The following SS18L1 variants were observed in gnomAD, a reference collection of about 807,000 sequenced individuals.
SS18L1 encodes calcium-responsive transactivator.
In SS18L1, 32 loss-of-function variants were observed where a neutral mutation model predicts 70.3. That is an observed-to-expected ratio of 0.46 (90% CI 0.34 to 0.61). SS18L1 has a LOEUF of 0.61. Among genes scored for constraint, SS18L1 ranks in the 20% least tolerant of loss-of-function variants. The pLI is 0.01. For missense variants in SS18L1, 430 were observed against 542.1 expected, an observed-to-expected ratio of 0.79 and a Z score of 2.05; for synonymous variants, 237 against 229.7, an observed-to-expected ratio of 1.03 and a Z score of -0.29.
chr20:62,174,656 G>C lies in SS18L1; in HGVS notation c.1164+12G>C. 1 of 1,613,398 alleles carries C rather than the reference G, an allele frequency of 6.2e-7. No individual in the cohort carries two copies. Among genetic ancestry groups the C allele is most frequent in the Non-Finnish European group, 8.5e-7 (1 of 1,180,020 alleles). On this transcript the variant is annotated intron_variant, in intron 10 of 10. Coordinates refer to ENST00000331758, the MANE Select transcript of SS18L1 (RefSeq NM_198935.3). This position sits in a 1 kb window ranked among gnomAD's most constrained non-coding sequence, Gnocchi z 4.1. ...ACGGCTATGAACAGGCAAGCTTTCT[G>C]GATGTTTCCAGATGTGCCCATCCGC... is the stretch of plus-strand genomic sequence containing the variant.
chr20:62,176,770 C>T (rs2057626681), intron 10 of SS18L1, among the ~76,000 whole-genome samples: 1 of 151,520 alleles, frequency 6.6e-6, no homozygotes, highest in Non-Finnish European at 1.5e-5. Context: ...GCACCCCAGC[C>T]TGGGCGACAG....
chr20:62,159,577 A>G lies in SS18L1; in HGVS notation c.147-300A>G, dbSNP rs1234039926. Among the ~76,000 whole-genome samples, 2 of 151,602 alleles carry G rather than the reference A, an allele frequency of 1.3e-5. No homozygotes were observed. Among genetic ancestry groups the G allele is most frequent in the African/African-American group, 2.4e-5 (1 of 41,268 alleles). On this transcript the variant is annotated intron_variant, in intron 2 of 10. Coordinates refer to ENST00000331758, the MANE Select transcript of SS18L1 (RefSeq NM_198935.3). This position sits in a 1 kb window ranked among gnomAD's most constrained non-coding sequence, Gnocchi z 4.4. ...CTCCTCGTGGCCTCCCCCCATCTCT[A>G]TCCTCTGAACAGACCAATGCCAGCT...
chr20:62,169,113 G>A (rs547706026), intron 8 of SS18L1, among the ~76,000 whole-genome samples: 28 of 152,244 alleles, frequency 1.8e-4, no homozygotes, highest in Non-Finnish European at 3.4e-4. Context: ...GTCACAGTGA[G>A]GTTTGCAGTG....
At position 62,165,411 on chromosome 20, in the gene SS18L1, G is replaced by A. The variant is rs754277065; in HGVS notation, c.824-11G>A. On this transcript the variant is annotated splice_polypyrimidine_tract_variant and intron_variant, in intron 7 of 10. Transcript: ENST00000331758. Reference sequence around the variant, plus strand: ...GCCTCCGCTGACTGTCGCCGTCTCCGTTTCGCACAGGCCATGGCGATTACG... The same window carrying A: ...GCCTCCGCTGACTGTCGCCGTCTCCATTTCGCACAGGCCATGGCGATTACG... 1.2e-5 allele frequency: 19 copies of A among 1,609,334 alleles called. No homozygotes were observed. Among genetic ancestry groups the A allele is most frequent in the African/African-American group, 8.0e-5 (6 of 74,824 alleles).
At position 62,143,865 on chromosome 20, in the gene SS18L1, G is replaced by A. The variant is rs773820883; in HGVS notation, c.45G>A (p.Glu15=). ...CTGCCCGGCCAAGAGGCAAAGGGGAGGTTACGCAGCAAACCATCCAGAAGG... is the reference window on the plus strand; with the variant it reads ...CTGCCCGGCCAAGAGGCAAAGGGGAAGTTACGCAGCAAACCATCCAGAAGG... ...FASARPRGKG[E]VTQQTIQKML... Residue 15 remains glutamate (E), a synonymous_variant, in exon 1 of 11, where the codon GAG becomes GAA. Coordinates refer to ENST00000331758, the MANE Select transcript of SS18L1 (RefSeq NM_198935.3). 46 of 1,297,890 alleles carry A rather than the reference G, an allele frequency of 3.5e-5. No homozygotes were observed. The highest frequency in any genetic ancestry group is 4.6e-5 in the Non-Finnish European group (46 of 991,224). The allele number at this position is 1,297,890 out of a possible 1,614,324, so 80.4% of individuals were successfully genotyped here.
intron 10 of SS18L1, 84 bp from the exon 11 acceptor site, chr20:62,179,098 A>AC: frequency 6.7e-7 from 1 of 1,489,428 alleles, no homozygotes; most frequent in South Asian, 1.1e-5. Context: ...TGTCCCTCCT[A>AC]CCCCCTGTCC....
intron 1 of SS18L1, among the ~76,000 whole-genome samples, chr20:62,154,689 C>T (rs183208676): frequency 5.6e-4 from 85 of 152,302 alleles, no homozygotes; most frequent in African/African-American, 1.9e-3. Context: ...TCTCTCCTGT[C>T]ATGTTTAGGA....
chr20:62,173,699 C>T (rs754898244), intron 9 of SS18L1, among the ~76,000 whole-genome samples: 30 of 151,546 alleles, frequency 2.0e-4, no homozygotes, highest in Non-Finnish European at 3.1e-4. Context: ...TAGAGTGAGA[C>T]GACTCCTCAA....
rs1456412295 is a variant in SS18L1, at chr20:62,179,296, T to A, written c.*88T>A. ...GCGGCAGCTCTGGTGAATTGTGACA[T>A]GTTGGTTACCTGTTCGCCCAGTGCC... On this transcript the variant is annotated 3_prime_UTR_variant, in exon 11 of 11. Coordinates refer to ENST00000331758, the MANE Select transcript of SS18L1 (RefSeq NM_198935.3). 12 of 1,495,400 alleles carry A rather than the reference T, an allele frequency of 8.0e-6. No homozygotes were observed. Among genetic ancestry groups the A allele is most frequent in the Non-Finnish European group, 1.1e-5 (12 of 1,073,602 alleles). The allele number at this position is 1,495,400 out of a possible 1,614,324, so 92.6% of individuals were successfully genotyped here. A position where few individuals can be genotyped will look rare whatever the true frequency, so the allele number is the denominator to read the frequency against.
chr20:62,152,235 C>T (rs1293965951), intron 1 of SS18L1, among the ~76,000 whole-genome samples: 1 of 152,220 alleles, frequency 6.6e-6, no homozygotes, highest in African/African-American at 2.4e-5. Flanking sequence ...CCACCCACGC[C>T]CACTCCACCA....
chr20:62,170,155 C>T (rs1005679263), intron 8 of SS18L1, among the ~76,000 whole-genome samples: 7 of 152,304 alleles, frequency 4.6e-5, no homozygotes, highest in South Asian at 2.1e-4. Context: ...CACACAGATG[C>T]GCCATGCTGC....
At chr20:62,169,493 T>C (rs760633534) in intron 8 of SS18L1, among the ~76,000 whole-genome samples, 15 of 152,164 alleles carry the variant, frequency 9.9e-5, no homozygotes, top group Non-Finnish European at 1.3e-4. Flanking sequence ...TTAAACATCA[T>C]TGGGGCCGGG....
At chr20:62,146,303 A>G (rs768563332) in intron 1 of SS18L1, among the ~76,000 whole-genome samples, 4 of 152,188 alleles carry the variant, frequency 2.6e-5, no homozygotes, top group Admixed American at 1.3e-4. Flanking sequence ...GCTGATCCCC[A>G]GCCTCTCATA....
chr20:62,169,650 A>G (rs1217861408), intron 8 of SS18L1, among the ~76,000 whole-genome samples: 1 of 152,022 alleles, frequency 6.6e-6, no homozygotes, highest in Non-Finnish European at 1.5e-5. Flanking sequence ...TTGGTGGCGC[A>G]TGTCTGTAAA....
rs113541923 is a variant in SS18L1, at chr20:62,163,486, G to A, written c.585G>A (p.Thr195=). 3.1e-5 allele frequency: 50 copies of A among 1,612,156 alleles called. 1 individual carries two copies. The highest frequency in any genetic ancestry group is 2.0e-4 in the African/African-American group (15 of 74,914). ...PVSMMQQQAA[T]SHYSSAQGGS... is the part of the protein sequence containing the mutation. ...CCATGATGCAGCAGCAGGCGGCCACGTCGCACTACAGCTCGGCGCAGGGCG... is the reference window on the plus strand; with the variant it reads ...CCATGATGCAGCAGCAGGCGGCCACATCGCACTACAGCTCGGCGCAGGGCG... The change falls in exon 6 of 11, where the codon ACG becomes ACA. Residue 195 remains threonine, a synonymous_variant. Transcript: ENST00000331758.
rs138828702 is a variant in SS18L1 at position 62,182,474 on chromosome 20, C to A, written c.*3266C>A. On this transcript the variant is annotated 3_prime_UTR_variant, in exon 11 of 11. Coordinates refer to ENST00000331758, the MANE Select transcript of SS18L1 (RefSeq NM_198935.3). ...GGTGTAATCTCTTAATAAACTGGTT[C>A]TTCAAAAATCATCCTATAAAGTGAG... 8 of 187,562 alleles carry A rather than the reference C, an allele frequency of 4.3e-5. No individual in the cohort carries two copies. In the East Asian group the frequency reaches 6.1e-4, roughly 14 times the overall value. The allele number at this position is 187,562 out of a possible 1,614,324, so 11.6% of individuals were successfully genotyped here.
chr20:62,169,774 C>T (rs1274099169), intron 8 of SS18L1, among the ~76,000 whole-genome samples: 3 of 148,434 alleles, frequency 2.0e-5, no homozygotes, highest in East Asian at 4.0e-4. Context: ...AGCGAGACTC[C>T]ATCTCCAAAA....
At chr20:62,153,258 G>A (rs901522883) in intron 1 of SS18L1, among the ~76,000 whole-genome samples, 4 of 152,138 alleles carry the variant, frequency 2.6e-5, no homozygotes, top group Non-Finnish European at 5.9e-5. Context: ...CTTCCCACTG[G>A]GTTCCTCCCA....
chr20:62,163,609 G>T lies in SS18L1; in HGVS notation c.708G>T (p.Arg236=), dbSNP rs951807756. 1 of 1,594,894 alleles carries T rather than the reference G, an allele frequency of 6.3e-7. No individual in the cohort carries two copies. The change falls in exon 6 of 11, where the codon CGG becomes CGT. Residue 236 remains arginine (R), a synonymous_variant. Transcript: ENST00000331758. ...GGCAGCGGCCCATGGCGCCCTACCG[G>T]CCCTCCCAGCAAGGTAACGCCCGGC... ...MMGQRPMAPY[R]PSQQGSSQQY... is the part of the protein sequence containing the mutation.
Sources: gnomAD v4.1 joint callset for allele counts (sites outside exome capture counted in the v4.1 genomes callset) on GRCh38, gnomAD v4.1.1 for gene constraint, Gnocchi (gnomAD v3.1) non-coding constraint, MANE v1.5 for transcripts, NCBI Gene and HGNC (gene_info 2026-07-23, HGNC 2026-07-21) for gene names.